Variants in TESC observed in about 807,000 individuals in gnomAD.
TESC encodes calcineurin B homologous protein 3.
Under a neutral mutation model 31.0 loss-of-function variants are expected in TESC, and 19 were observed. That is an observed-to-expected ratio of 0.61 (90% confidence interval 0.43 to 0.90). The LOEUF is 0.90. Ranked by LOEUF, TESC falls within the 40% of genes least tolerant of loss-of-function variation. The pLI is 0.00. For synonymous variants in TESC, 109 were observed against 114.8 expected (o/e 0.95, Z 0.32); for missense variants, 248 against 303.8 (o/e 0.82, Z 1.36).
chr12:117,055,407 T>G (rs1954706278), intron 3 of TESC, among the ~76,000 whole-genome samples: 1 of 152,086 alleles, frequency 6.6e-6, no homozygotes. Context: ...CCTCCCAAAG[T>G]GCTGGGATTA....
chr12:117,088,473 G>A (rs1955251404), intron 1 of TESC, among the ~76,000 whole-genome samples: 1 of 152,160 alleles, frequency 6.6e-6, no homozygotes, highest in East Asian at 1.9e-4. Context: ...TGGAGGCCAG[G>A]AGTTTGAGAC....
At position 117,041,237 on chromosome 12, in the gene TESC, C is replaced by T. The variant is rs142429667; in HGVS notation, c.567+710G>A. Among the ~76,000 whole-genome samples, 372 of 152,260 alleles carry T rather than the reference C, an allele frequency of 2.4e-3. 1 individual carries two copies. The highest frequency in any genetic ancestry group is 4.1e-3 in the Non-Finnish European group (280 of 68,022). On this transcript the variant is annotated intron_variant, in intron 7 of 7. Transcript: ENST00000335209. ...ATTTTAGGACACAGCGAGGAAGGCCCGGGCGCAACGTGTGCAGTCAGCTCC... is the reference window on the plus strand; with the variant it reads ...ATTTTAGGACACAGCGAGGAAGGCCTGGGCGCAACGTGTGCAGTCAGCTCC...
intron 3 of TESC, among the ~76,000 whole-genome samples, chr12:117,056,300 A>G (rs896164127): frequency 2.0e-5 from 3 of 147,120 alleles, no homozygotes; most frequent in Non-Finnish European, 4.4e-5. Context: ...CAGGTGATCC[A>G]CCCACCTTGG....
chr12:117,087,138 T>C (rs753645010), intron 1 of TESC, among the ~76,000 whole-genome samples: 1 of 152,228 alleles, frequency 6.6e-6, no homozygotes, highest in African/African-American at 2.4e-5. Flanking sequence ...GGATGCCATG[T>C]GCTGAACTCG....
rs192770109 is a variant in TESC at position 117,053,078 on chromosome 12, G to T, written c.209+3728C>A. On this transcript the variant is annotated intron_variant, in intron 3 of 7. Coordinates refer to ENST00000335209, the MANE Select transcript of TESC (RefSeq NM_017899.4). ...CTCAGGGTCCCCACAGGCCCGTCGC[G>T]CCTGGAGTCCCCCTGAGATGTGGTC... Among the ~76,000 whole-genome samples, 606 of 152,208 alleles carry T rather than the reference G, an allele frequency of 4.0e-3. 6 individuals are homozygous for T. Among genetic ancestry groups the T allele is most frequent in the South Asian group, 0.011 (55 of 4,810 alleles).
At chr12:117,042,109 G>A in intron 6 of TESC, 115 bp from the exon 7 acceptor site, 1 of 1,064,548 alleles carries the variant, frequency 9.4e-7, no homozygotes, top group South Asian at 1.4e-5. Flanking sequence ...AAGTTGTTGA[G>A]GCTGTTTGGG....
chr12:117,091,429 G>A (rs1955306163), intron 1 of TESC, among the ~76,000 whole-genome samples: 1 of 152,228 alleles, frequency 6.6e-6, no homozygotes, highest in Admixed American at 6.5e-5. Context: ...ATGTCTGAGA[G>A]TTGATTAAAT....
chr12:117,079,722 G>A (rs944748913), intron 1 of TESC, among the ~76,000 whole-genome samples: 42 of 152,116 alleles, frequency 2.8e-4, no homozygotes, highest in African/African-American at 9.2e-4. Context: ...GGAGGGGAGG[G>A]GCTGGAGAGG....
chr12:117,065,115 C>T (rs1954857373), intron 2 of TESC, among the ~76,000 whole-genome samples: 1 of 152,178 alleles, frequency 6.6e-6, no homozygotes, highest in African/African-American at 2.4e-5. Flanking sequence ...GCTCTGACTC[C>T]CAATGGGTGA....
At chr12:117,086,068 A>G (rs12371268) in intron 1 of TESC, among the ~76,000 whole-genome samples, 18,353 of 151,852 alleles carry the variant, frequency 0.12, 1,195 homozygotes, top group African/African-American at 0.13. Context: ...TGCTATTTAC[A>G]TGAAATGCCC....
At chr12:117,082,203 A>C (rs376226325) in intron 1 of TESC, among the ~76,000 whole-genome samples, 10 of 152,084 alleles carry the variant, frequency 6.6e-5, no homozygotes, top group African/African-American at 2.4e-4. Flanking sequence ...GCTGTCTCAA[A>C]ACAAAAAGAA....
At chr12:117,043,189 T>C (rs992380466) in intron 6 of TESC, among the ~76,000 whole-genome samples, 1 of 151,870 alleles carries the variant, frequency 6.6e-6, no homozygotes, top group Non-Finnish European at 1.5e-5. Flanking sequence ...GGAAGCCACA[T>C]CGGTTCGATT....
At chr12:117,051,478 C>T (rs1245143090) in intron 3 of TESC, among the ~76,000 whole-genome samples, 1 of 152,154 alleles carries the variant, frequency 6.6e-6, no homozygotes, top group Non-Finnish European at 1.5e-5. Context: ...TCTCTTCTCT[C>T]TTTTATCGTA....
chr12:117,086,599 A>AT (rs1955222902), intron 1 of TESC, among the ~76,000 whole-genome samples: 1 of 150,516 alleles, frequency 6.6e-6, no homozygotes, highest in East Asian at 2.0e-4. Context: ...CACCCAGCTA[A>AT]TTTTTTTAAT....
chr12:117,064,805 A>G (rs1565966466), intron 2 of TESC, among the ~76,000 whole-genome samples: 1 of 152,208 alleles, frequency 6.6e-6, no homozygotes, highest in Non-Finnish European at 1.5e-5. Context: ...CTCCACTCCC[A>G]TGTGTCCAGC....
chr12:117,053,719 C>A (rs1025330743), intron 3 of TESC, among the ~76,000 whole-genome samples: 2 of 152,160 alleles, frequency 1.3e-5, no homozygotes, highest in African/African-American at 4.8e-5. Context: ...AACGTGCACA[C>A]ATGCTCCCTC....
intron 3 of TESC, among the ~76,000 whole-genome samples, chr12:117,054,788 C>T (rs1592999245): frequency 6.6e-6 from 1 of 152,190 alleles, no homozygotes; most frequent in Admixed American, 6.5e-5. Flanking sequence ...CACCACACCA[C>T]GCCTGTTCCC....
intron 6 of TESC, among the ~76,000 whole-genome samples, chr12:117,044,599 AC>A (rs1225777306): frequency 2.6e-5 from 4 of 152,018 alleles, no homozygotes; most frequent in African/African-American, 9.7e-5. Flanking sequence ...CTGAGAAAGC[AC>A]TCTCAAAAGA....
chr12:117,098,778 C>G (rs934990096), intron 1 of TESC: 1 of 154,278 alleles, frequency 6.5e-6, no homozygotes, highest in African/African-American at 2.4e-5. Context: ...GGTCACCCGG[C>G]CGGGGAGCGT....
Sources: allele counts gnomAD v4.1 joint callset (sites outside exome capture counted in the v4.1 genomes callset), GRCh38; gene constraint gnomAD v4.1.1; transcripts MANE v1.5; gene names NCBI Gene and HGNC (gene_info 2026-07-23, HGNC 2026-07-21).